KAZN: variants seen among roughly 807,000 people sequenced by gnomAD.
KAZN encodes kazrin.
KAZN carries 40 observed loss-of-function variants against 87.4 expected under a neutral mutation model. The ratio of observed to expected loss-of-function variants is 0.46; its 90% CI spans 0.36 to 0.60. The LOEUF (loss-of-function observed/expected upper bound fraction) is 0.60. Ranked by LOEUF, KAZN falls within the 20% of genes least tolerant of loss-of-function variation. KAZN has a pLI of 0.00. For missense variants in KAZN, 898 were observed against 1,073.9 expected (o/e 0.84, Z 2.29); for synonymous variants, 466 against 458.3 (o/e 1.02, Z -0.22).
At chr1:15,013,084 C>T (rs1208404646) in intron 2 of KAZN, among the ~76,000 whole-genome samples, 1 of 152,186 alleles carries the variant, frequency 6.6e-6, no homozygotes. Context: ...TTGAGTGTGG[C>T]TCCCCAGACA....
At chr1:14,226,852 C>T (rs138568782) in intron 2 of KAZN, among the ~76,000 whole-genome samples, 15 of 46,832 alleles carry the variant, frequency 3.2e-4, no homozygotes, top group Admixed American at 8.1e-4. Context: ...ACATCGTGTA[C>T]GCATGGACAC....
intron 1 of KAZN, among the ~76,000 whole-genome samples, chr1:14,831,918 G>A (rs1647059840): frequency 6.6e-6 from 1 of 152,108 alleles, no homozygotes. Context: ...GAATTGGCTG[G>A]GCTTAGTGGC....
At chr1:14,394,466 C>A (rs956028463) in intron 2 of KAZN, among the ~76,000 whole-genome samples, 13 of 152,322 alleles carry the variant, frequency 8.5e-5, no homozygotes, top group African/African-American at 3.1e-4. Flanking sequence ...TATAAATCAA[C>A]ATTATGTAAT....
At chr1:14,120,687 G>A (rs1474576898) in intron 1 of KAZN, among the ~76,000 whole-genome samples, 1 of 152,056 alleles carries the variant, frequency 6.6e-6, no homozygotes, top group African/African-American at 2.4e-5. Context: ...TCTTTGGAGG[G>A]GATTGGCAGT....
chr1:14,841,395 G>A (rs1647976378), intron 1 of KAZN, among the ~76,000 whole-genome samples: 1 of 115,966 alleles, frequency 8.6e-6, no homozygotes, highest in Non-Finnish European at 1.7e-5. Context: ...GACAGAGCAA[G>A]ACTCCGTCTC....
intron 1 of KAZN, among the ~76,000 whole-genome samples, chr1:13,998,619 A>AAAG (rs1433088928): frequency 6.6e-6 from 1 of 152,124 alleles, no homozygotes; most frequent in Non-Finnish European, 1.5e-5. Flanking sequence ...AGATAAAAAA[A>AAAG]AAAAAGAAGG....
chr1:14,708,237 C>T (rs1465777999), intron 1 of KAZN, among the ~76,000 whole-genome samples: 1 of 152,152 alleles, frequency 6.6e-6, no homozygotes, highest in Non-Finnish European at 1.5e-5. Context: ...CTGGAGAGCC[C>T]AAGTTTGCAT....
chr1:14,951,951 T>C (rs1364029520), intron 1 of KAZN, among the ~76,000 whole-genome samples: 2 of 152,266 alleles, frequency 1.3e-5, no homozygotes, highest in Middle Eastern at 3.4e-3. Flanking sequence ...GCTGGACCAG[T>C]GCATGGCAGG....
intron 2 of KAZN, among the ~76,000 whole-genome samples, chr1:14,445,217 G>A (rs1312948902): frequency 2.0e-5 from 3 of 152,040 alleles, no homozygotes; most frequent in Non-Finnish European, 4.4e-5. Flanking sequence ...GTAGAGGCGG[G>A]GTTTCACCAT....
At chr1:14,665,139 T>C (rs1469745802) in intron 1 of KAZN, among the ~76,000 whole-genome samples, 1 of 152,192 alleles carries the variant, frequency 6.6e-6, no homozygotes, top group Non-Finnish European at 1.5e-5. Context: ...TCCACTTAGA[T>C]ACCTGTGACC....
intron 1 of KAZN, among the ~76,000 whole-genome samples, chr1:14,110,544 C>T (rs1331755050): frequency 1.3e-5 from 2 of 152,148 alleles, no homozygotes; most frequent in African/African-American, 4.8e-5. Flanking sequence ...AGTTTTTTGA[C>T]TTCTATTGCA....
At chr1:14,588,924 G>A (rs1019654581) in intron 2 of KAZN, among the ~76,000 whole-genome samples, 1 of 152,174 alleles carries the variant, frequency 6.6e-6, no homozygotes, top group African/African-American at 2.4e-5. Context: ...TGCACTTGCG[G>A]TCCCAGTGTT....
intron 2 of KAZN, among the ~76,000 whole-genome samples, chr1:14,192,438 G>T (rs1225277597): frequency 2.6e-5 from 4 of 152,282 alleles, no homozygotes; most frequent in Non-Finnish European, 4.4e-5. Flanking sequence ...CTACACTTGT[G>T]CAGTCAAGCA....
intron 2 of KAZN, among the ~76,000 whole-genome samples, chr1:14,430,307 CTG>C (rs890813903): frequency 4.0e-5 from 6 of 151,342 alleles, no homozygotes; most frequent in Admixed American, 1.3e-4. Context: ...CACATGTTTG[CTG>C]TGTGTGTGTT....
intron 1 of KAZN, among the ~76,000 whole-genome samples, chr1:14,635,429 C>A (rs1373310831): frequency 6.6e-6 from 1 of 152,196 alleles, no homozygotes; most frequent in East Asian, 1.9e-4. Context: ...ACGGGATAGT[C>A]CCCTCATACC....
intron 8 of KAZN, among the ~76,000 whole-genome samples, chr1:15,076,528 G>A (rs1639765857): frequency 1.3e-5 from 2 of 152,270 alleles, no homozygotes; most frequent in Middle Eastern, 3.4e-3. Context: ...ATGGAGAGAC[G>A]CATCCAAGAC....
At chr1:15,089,185 G>T (rs1232449737) in intron 8 of KAZN, among the ~76,000 whole-genome samples, 1 of 152,012 alleles carries the variant, frequency 6.6e-6, no homozygotes, top group Non-Finnish European at 1.5e-5. Flanking sequence ...TCTTCTGGGG[G>T]ACTCAGGAGC....
intron 1 of KAZN, among the ~76,000 whole-genome samples, chr1:14,144,375 CT>C (rs1439910884): frequency 2.0e-5 from 3 of 152,154 alleles, no homozygotes; most frequent in African/African-American, 7.2e-5. Flanking sequence ...TGGGATGTAA[CT>C]TTTATTTTGA....
At chr1:14,201,997 A>AT (rs1323791467) in intron 2 of KAZN, among the ~76,000 whole-genome samples, 26 of 152,014 alleles carry the variant, frequency 1.7e-4, no homozygotes, top group Non-Finnish European at 3.8e-4. Flanking sequence ...TACTTATTTT[A>AT]TTTTCACAAA....
Sources: gnomAD v4.1 joint callset for allele counts (sites outside exome capture counted in the v4.1 genomes callset) on GRCh38, gnomAD v4.1.1 for gene constraint, MANE v1.5 for transcripts, NCBI Gene and HGNC (gene_info 2026-07-23, HGNC 2026-07-21) for gene names.